CIT: variants seen among roughly 807,000 people sequenced by gnomAD.
The protein encoded by CIT is citron rho-interacting serine/threonine kinase.
Under a neutral mutation model 272.7 loss-of-function variants are expected in CIT, and 79 were observed. That is an observed-to-expected ratio of 0.29 (90% CI 0.24 to 0.35). CIT has a LOEUF of 0.35. CIT is among the 10% of genes least tolerant of loss of function. CIT has a pLI of 1.00. For synonymous variants in CIT, 948 were observed against 995.6 expected, an observed-to-expected ratio of 0.95 and a Z score of 0.90; for missense variants, 1,909 against 2,618.3, an observed-to-expected ratio of 0.73 and a Z score of 5.91.
At chr12:119,774,392 C>T (rs557597844) in intron 16 of CIT, among the ~76,000 whole-genome samples, 1 of 152,050 alleles carries the variant, frequency 6.6e-6, no homozygotes, top group African/African-American at 2.4e-5. Context: ...GCCAAAGGTA[C>T]GTCCCACAAC....
chr12:119,771,804 G>GTA (rs1219888642), intron 17 of CIT, among the ~76,000 whole-genome samples: 1 of 152,146 alleles, frequency 6.6e-6, no homozygotes, highest in Non-Finnish European at 1.5e-5. Flanking sequence ...AACAGGAGAC[G>GTA]TATGGCTGCA....
At chr12:119,738,487 A>T (rs993087153) in intron 24 of CIT, among the ~76,000 whole-genome samples, 3 of 152,206 alleles carry the variant, frequency 2.0e-5, no homozygotes, top group African/African-American at 7.2e-5. Flanking sequence ...GCAAAAAAAG[A>T]TGAGCAAAAT....
At chr12:119,874,657 T>A (rs1415292349) in intron 2 of CIT, among the ~76,000 whole-genome samples, 1 of 152,148 alleles carries the variant, frequency 6.6e-6, no homozygotes, top group Admixed American at 6.5e-5. Context: ...GTGGTATTCA[T>A]CAAAACTTTT....
At chr12:119,872,937 C>T (rs1331351705) in intron 2 of CIT, among the ~76,000 whole-genome samples, 1 of 152,174 alleles carries the variant, frequency 6.6e-6, no homozygotes. Context: ...GCTGGGACTA[C>T]AGGCACACAC....
chr12:119,754,073 G>A (rs1169196725), intron 22 of CIT, among the ~76,000 whole-genome samples: 1 of 152,142 alleles, frequency 6.6e-6, no homozygotes, highest in Non-Finnish European at 1.5e-5. Context: ...TGATGACGAC[G>A]ATGTCACAGC....
chr12:119,763,256 G>A (rs1021822941), intron 19 of CIT, among the ~76,000 whole-genome samples: 2 of 5,360 alleles, frequency 3.7e-4, no homozygotes, highest in African/African-American at 6.4e-3. Context: ...CATAGAATAT[G>A]TTTCACAAAA....
At chr12:119,870,259 C>T (rs1443277831) in intron 2 of CIT, among the ~76,000 whole-genome samples, 1 of 152,072 alleles carries the variant, frequency 6.6e-6, no homozygotes, top group East Asian at 1.9e-4. Flanking sequence ...CTTTAAGAAG[C>T]TTGTCAAGCG....
chr12:119,841,698 A>G (rs557771022), intron 5 of CIT, among the ~76,000 whole-genome samples: 2 of 152,306 alleles, frequency 1.3e-5, no homozygotes, highest in South Asian at 4.1e-4. Context: ...TCTATAGAAA[A>G]AGAATTTGCT....
chr12:119,704,205 AT>A (rs1956748506), intron 41 of CIT, among the ~76,000 whole-genome samples, 157 bp downstream of exon 41: 1 of 152,180 alleles, frequency 6.6e-6, no homozygotes, highest in Admixed American at 6.5e-5. Context: ...CAAAGGAAGG[AT>A]CTCGCTGACG....
At chr12:119,726,569 G>A (rs1254405614) in intron 28 of CIT, among the ~76,000 whole-genome samples, 1 of 151,742 alleles carries the variant, frequency 6.6e-6, no homozygotes, top group Non-Finnish European at 1.5e-5. Context: ...AAACTTAACA[G>A]CATAACAATA....
intron 3 of CIT, among the ~76,000 whole-genome samples, chr12:119,862,787 G>C (rs1369992231): frequency 9.2e-6 from 1 of 108,518 alleles, no homozygotes; most frequent in Non-Finnish European, 1.7e-5. Flanking sequence ...TCCAGCCTGG[G>C]TGACAGAGCA....
Position 119,734,214 on chromosome 12 carries a change from C to T in CIT, c.3300G>A (p.Glu1100=), listed in dbSNP as rs1958631546. The T allele has an allele frequency of 1.2e-6, 2 of 1,613,914 alleles. No individual in the cohort carries two copies. The highest frequency in any genetic ancestry group is 4.5e-5 in the East Asian group (2 of 44,856). The change falls in exon 26 of 48, where the codon GAG becomes GAA. Residue 1100 remains glutamate, a synonymous_variant. Coordinates refer to ENST00000392521, the MANE Select transcript of CIT (RefSeq NM_001206999.2). ...SVLGDEKSQF[E]CRVRELQRML... Reference sequence around the variant, plus strand: ...TTCTCTGCAGCTCTCGAACCCGACACTCAAACTGGGATTTCTCATCACCCA... The same window carrying T: ...TTCTCTGCAGCTCTCGAACCCGACATTCAAACTGGGATTTCTCATCACCCA...
intron 24 of CIT, among the ~76,000 whole-genome samples, chr12:119,741,069 T>G (rs1307985912): frequency 1.3e-5 from 2 of 151,880 alleles, no homozygotes; most frequent in African/African-American, 4.8e-5. Flanking sequence ...TGATCCATTA[T>G]GGAAACAATC....
chr12:119,788,166 CT>C (rs1225892190), intron 10 of CIT, among the ~76,000 whole-genome samples: 1 of 152,202 alleles, frequency 6.6e-6, no homozygotes, highest in African/African-American at 2.4e-5. Flanking sequence ...AAAAATCTTA[CT>C]TTTGGCTAGA....
intron 43 of CIT, chr12:119,701,041 T>G (rs1026546181): frequency 2.1e-5 from 6 of 290,168 alleles, no homozygotes; most frequent in African/African-American, 1.3e-4. Flanking sequence ...TTAAATTTTA[T>G]TAAAGAAAGA....
At chr12:119,696,815 C>T (rs1183574462) in intron 46 of CIT, among the ~76,000 whole-genome samples, 1 of 152,186 alleles carries the variant, frequency 6.6e-6, no homozygotes, top group African/African-American at 2.4e-5. Context: ...GTGTGAGCCA[C>T]CGCACCACCT....
chr12:119,806,216 G>A (rs1966600114), intron 9 of CIT, among the ~76,000 whole-genome samples: 1 of 149,966 alleles, frequency 6.7e-6, no homozygotes, highest in Admixed American at 6.6e-5. Context: ...GATATTCACA[G>A]CAAAGATTAA....
Position 119,819,045 on chromosome 12 carries a change from A to G in CIT, c.1111+3775T>C, listed in dbSNP as rs1019683700. 3.9e-5 allele frequency among the ~76,000 whole-genome samples: 6 copies of G among 152,194 alleles called. No homozygotes were observed. In the East Asian group the frequency reaches 7.7e-4, roughly 20 times the overall value. ...GAAGCCCAGAAAGATCAGGCTGGGT[A>G]CAGCCAGAATCCGGCCCAGCATCTG... On this transcript the variant is annotated intron_variant, in intron 9 of 47. Transcript: ENST00000392521.
At chr12:119,698,100 A>C in intron 44 of CIT, 46 bp from the exon 45 acceptor site, 2 of 1,556,996 alleles carry the variant, frequency 1.3e-6, no homozygotes, top group Non-Finnish European at 1.8e-6. Flanking sequence ...AGAATGGTGA[A>C]AAGAGGGAAA....
Sources: gnomAD v4.1 joint callset for allele counts (sites outside exome capture counted in the v4.1 genomes callset) on GRCh38, gnomAD v4.1.1 for gene constraint, MANE v1.5 for transcripts, NCBI Gene and HGNC (gene_info 2026-07-23, HGNC 2026-07-21) for gene names.